The following DROSHA variants were observed in gnomAD, a reference collection of about 807,000 sequenced individuals.
DROSHA encodes the protein drosha ribonuclease III.
A neutral mutation model predicts 181.9 loss-of-function variants in DROSHA; 56 were observed. The ratio of observed to expected loss-of-function variants is 0.31; its 90% CI spans 0.25 to 0.38. The LOEUF is 0.38. Ranked by LOEUF, DROSHA falls within the 10% of genes least tolerant of loss-of-function variation. The probability of loss-of-function intolerance (pLI) is 1.00; values close to 1 mark genes in which losing one functional copy is unlikely to be tolerated. For missense variants in DROSHA, 1,218 were observed against 1,743.5 expected (o/e 0.70, Z 5.37); for synonymous variants, 524 against 591.2 (o/e 0.89, Z 1.65).
chr5:31,481,721 A>C (rs1260859759), intron 16 of DROSHA, among the ~76,000 whole-genome samples: 1 of 152,232 alleles, frequency 6.6e-6, no homozygotes. Flanking sequence ...GACTGCCTGG[A>C]CTGAGGAAAG....
At chr5:31,448,493 G>A in intron 23 of DROSHA, 54 bp downstream of exon 23, 1 of 1,456,842 alleles carries the variant, frequency 6.9e-7, no homozygotes, top group Non-Finnish European at 9.6e-7. Flanking sequence ...TGAGTAAACT[G>A]TATAGTACGT....
intron 31 of DROSHA, among the ~76,000 whole-genome samples, chr5:31,410,216 AT>A (rs1741143011): frequency 6.6e-6 from 1 of 152,224 alleles, no homozygotes; most frequent in African/African-American, 2.4e-5. Context: ...TTTTGAAGTA[AT>A]ACAAACAATA....
intron 5 of DROSHA, among the ~76,000 whole-genome samples, chr5:31,522,983 G>C (rs1369836148): frequency 6.6e-6 from 1 of 152,188 alleles, no homozygotes; most frequent in Non-Finnish European, 1.5e-5. Flanking sequence ...GAAAAATAGG[G>C]AACACAGAAT....
Position 31,523,832 on chromosome 5 carries a change from G to A in DROSHA, c.854+2247C>T, listed in dbSNP as rs183326996. On this transcript the variant is annotated intron_variant, in intron 5 of 35. Coordinates refer to ENST00000344624, the MANE Select transcript of DROSHA (RefSeq NM_001382508.1). ...TCTACTAAAAATACAAAAATTAGCCGGGCTTGGTGGCAGGTGCCTGTAATC... is the reference window on the plus strand; with the variant it reads ...TCTACTAAAAATACAAAAATTAGCCAGGCTTGGTGGCAGGTGCCTGTAATC... Among the ~76,000 whole-genome samples, 1,333 of 151,750 alleles carry A rather than the reference G, an allele frequency of 8.8e-3. 11 individuals carry two copies. The highest frequency in any genetic ancestry group is 0.031 in the African/African-American group (1,265 of 41,388).
At chr5:31,505,669 T>A (rs1737845733) in intron 10 of DROSHA, 1 of 152,210 alleles carries the variant, frequency 6.6e-6, no homozygotes, top group Non-Finnish European at 1.5e-5. Context: ...TTTTTTGTAA[T>A]AATTTAAAAA....
chr5:31,494,841 AT>A (rs1561251335), intron 12 of DROSHA, among the ~76,000 whole-genome samples: 1 of 151,504 alleles, frequency 6.6e-6, no homozygotes, highest in Non-Finnish European at 1.5e-5. Flanking sequence ...TGCCCGGCTA[AT>A]TTTTTGTATT....
intron 13 of DROSHA, chr5:31,486,798 A>AT (rs1378327070): frequency 2.6e-6 from 1 of 389,252 alleles, no homozygotes; most frequent in African/African-American, 2.0e-5. Context: ...AATTAACAGT[A>AT]TTAGCAGCAG....
Position 31,406,954 on chromosome 5 carries a change from G to C in DROSHA, c.3855-9C>G. The C allele has an allele frequency of 6.2e-7, 1 of 1,610,372 alleles. No homozygotes were observed. Among genetic ancestry groups the C allele is most frequent in the Non-Finnish European group, 8.5e-7 (1 of 1,177,302 alleles). On this transcript the variant is annotated splice_polypyrimidine_tract_variant and intron_variant, in intron 33 of 35. Transcript: ENST00000344624. ...CCACTGTCTGCAGAGTCCTGAAAGGGAAAGGAAAGAACATTTATTATGGTA... is the reference window on the plus strand; with the variant it reads ...CCACTGTCTGCAGAGTCCTGAAAGGCAAAGGAAAGAACATTTATTATGGTA...
At position 31,514,865 on chromosome 5, in the gene DROSHA, C is replaced by T; in HGVS notation, c.1290+123G>A. 1.2e-6 allele frequency: 1 copy of T among 861,086 alleles called. No homozygotes were observed. Among genetic ancestry groups the T allele is most frequent in the Non-Finnish European group, 1.8e-6 (1 of 563,422 alleles). 53.3% of individuals were successfully genotyped at this position (861,086 alleles called of 1,614,324 possible). A position where few individuals can be genotyped will look rare whatever the true frequency, so the allele number is the denominator to read the frequency against. ...ATCTAACAGGTAGAGCCCAGAGATGCCGCTAAACATCCTACAATGCATAGG... is the reference window on the plus strand; with the variant it reads ...ATCTAACAGGTAGAGCCCAGAGATGTCGCTAAACATCCTACAATGCATAGG... On this transcript the variant is annotated intron_variant, in intron 8 of 35. Coordinates refer to ENST00000344624, the MANE Select transcript of DROSHA (RefSeq NM_001382508.1). The surrounding 1 kb of genome is among the most constrained non-coding windows in gnomAD (Gnocchi z 4.4).
chr5:31,418,621 G>T (rs1742263249), intron 30 of DROSHA, among the ~76,000 whole-genome samples: 1 of 152,162 alleles, frequency 6.6e-6, no homozygotes, highest in East Asian at 1.9e-4. Flanking sequence ...GTCCAGGTGA[G>T]TAAGGCAGCT....
intron 4 of DROSHA, 151 bp downstream of exon 4, chr5:31,528,889 C>G: frequency 9.5e-7 from 1 of 1,049,166 alleles, no homozygotes; most frequent in South Asian, 1.7e-5. Flanking sequence ...GGGCATGGCC[C>G]TCTATTGTAT....
At chr5:31,520,427 T>C (rs76699194) in intron 6 of DROSHA, among the ~76,000 whole-genome samples, 8,447 of 152,240 alleles carry the variant, frequency 0.055, 739 homozygotes, top group African/African-American at 0.18. Context: ...CACCAATTTC[T>C]ATAGCCAAGT....
chr5:31,488,246 G>A (rs551477355), intron 13 of DROSHA, among the ~76,000 whole-genome samples: 20 of 151,812 alleles, frequency 1.3e-4, no homozygotes, highest in Non-Finnish European at 2.2e-4. Context: ...GTGAAACCCC[G>A]TCTCTACTAA....
intron 21 of DROSHA, 55 bp downstream of exon 21, chr5:31,451,478 A>G (rs965634284): frequency 1.4e-6 from 2 of 1,438,438 alleles, no homozygotes; most frequent in Non-Finnish European, 1.9e-6. Flanking sequence ...GTGACCTGCA[A>G]GATGAATTAC....
At chr5:31,483,458 AG>A in intron 16 of DROSHA, 95 bp downstream of exon 16, 1 of 1,168,974 alleles carries the variant, frequency 8.6e-7, no homozygotes, top group Middle Eastern at 1.9e-4. Flanking sequence ...ACAGTATCGA[AG>A]GTGGGAAAGT....
In DROSHA at chr5:31,414,752, C is replaced by T. The variant is rs564395939; in HGVS notation, c.3526-3865G>A. Among the ~76,000 whole-genome samples, 6 of 152,304 alleles carry T rather than the reference C, an allele frequency of 3.9e-5. No homozygotes were observed. The Middle Eastern group carries it at 0.02, about 518-fold the overall frequency. On this transcript the variant is annotated intron_variant, in intron 30 of 35. Coordinates refer to ENST00000344624, the MANE Select transcript of DROSHA (RefSeq NM_001382508.1). ...TTATGGGAAAAGGTTCTAGAAAATT[C>T]TAAGAATTCCTCTGAATTTGTTTTC...
At chr5:31,405,767 C>CTTTTTTTT in intron 34 of DROSHA, 44 bp from the exon 35 acceptor site, 5 of 467,786 alleles carry the variant, frequency 1.1e-5, no homozygotes, top group Non-Finnish European at 1.6e-5. Context: ...TTTCAAGATT[C>CTTTTTTTT]TTTTTTTTTT....
intron 27 of DROSHA, among the ~76,000 whole-genome samples, chr5:31,427,563 C>T (rs1050070049): frequency 6.6e-5 from 10 of 152,210 alleles, no homozygotes; most frequent in African/African-American, 1.4e-4. Context: ...ACCGCAGATA[C>T]TTAATCGCCA....
chr5:31,491,026 G>A (rs1383457307), intron 13 of DROSHA, among the ~76,000 whole-genome samples: 5 of 152,080 alleles, frequency 3.3e-5, no homozygotes, highest in African/African-American at 1.2e-4. Context: ...GCTGGGGGAT[G>A]TTTTTAAAAA....
Sources: allele counts gnomAD v4.1 joint callset (sites outside exome capture counted in the v4.1 genomes callset), GRCh38; gene constraint gnomAD v4.1.1; non-coding constraint Gnocchi (gnomAD v3.1); transcripts MANE v1.5; gene names NCBI Gene and HGNC (gene_info 2026-07-23, HGNC 2026-07-21).